Variants in GMDS observed in about 807,000 individuals in gnomAD.
GMDS encodes GDP-mannose 4,6 dehydratase.
A neutral mutation model predicts 49.9 loss-of-function variants in GMDS; 20 were observed. The observed-to-expected ratio is 0.40, with a 90% confidence interval of 0.28 to 0.58. The LOEUF is 0.58. Ranked by LOEUF, GMDS falls within the 20% of genes least tolerant of loss-of-function variation. GMDS has a pLI of 0.42. For missense variants in GMDS, 362 were observed against 481.4 expected (o/e 0.75, Z 2.32); for synonymous variants, 177 against 178.6 (o/e 0.99, Z 0.07).
At chr6:2,047,046 T>C (rs760701220) in intron 4 of GMDS, among the ~76,000 whole-genome samples, 23 of 152,212 alleles carry the variant, frequency 1.5e-4, no homozygotes, top group Admixed American at 2.6e-4. Flanking sequence ...AAGCAATTAC[T>C]AGAAATTCTG....
chr6:1,900,480 C>A (rs1470145762), intron 7 of GMDS, among the ~76,000 whole-genome samples: 2 of 152,154 alleles, frequency 1.3e-5, no homozygotes, highest in African/African-American at 2.4e-5. Context: ...TGATAAAGAG[C>A]CCCTGCTGTT....
intron 4 of GMDS, among the ~76,000 whole-genome samples, chr6:2,046,605 A>C (rs1049913181): frequency 1.3e-5 from 2 of 152,030 alleles, no homozygotes; most frequent in Admixed American, 1.3e-4. Context: ...GACTACAAGC[A>C]GGTGCCACTA....
chr6:1,748,611 A>T (rs1036952670), intron 7 of GMDS, among the ~76,000 whole-genome samples: 1 of 152,154 alleles, frequency 6.6e-6, no homozygotes, highest in Non-Finnish European at 1.5e-5. Flanking sequence ...TTTTTCTTCT[A>T]AAGCCAGATA....
At chr6:2,146,547 T>G (rs1399572413) in intron 1 of GMDS, among the ~76,000 whole-genome samples, 2 of 152,222 alleles carry the variant, frequency 1.3e-5, no homozygotes, top group African/African-American at 2.4e-5. Context: ...TAATGACTCT[T>G]GTAGCCCTAA....
At position 2,059,996 on chromosome 6, in the gene GMDS, C is replaced by A. The variant is rs1324908104; in HGVS notation, c.345+55775G>T. Reference sequence around the variant, plus strand: ...AACGAAATGACAACAAATAATATAACCACATTTTCAAAATTAAAAAAAATA... The same window carrying A: ...AACGAAATGACAACAAATAATATAAACACATTTTCAAAATTAAAAAAAATA... On this transcript the variant is annotated intron_variant, in intron 4 of 10. Transcript: ENST00000380815. Among the ~76,000 whole-genome samples the A allele has an allele frequency of 2.6e-5, 4 of 151,918 alleles. No homozygotes were observed. In the South Asian group the frequency reaches 8.3e-4, roughly 32 times the overall value.
intron 1 of GMDS, among the ~76,000 whole-genome samples, chr6:2,215,517 G>A (rs934929333): frequency 1.1e-4 from 16 of 143,478 alleles, no homozygotes; most frequent in Non-Finnish European, 1.5e-4. Flanking sequence ...ATCTCCCACC[G>A]GGTCCTTCCC....
At chr6:2,068,086 C>G (rs924499850) in intron 4 of GMDS, among the ~76,000 whole-genome samples, 11 of 148,310 alleles carry the variant, frequency 7.4e-5, no homozygotes, top group Admixed American at 2.0e-4. Flanking sequence ...TGGGCTTCAT[C>G]CCTGGGATGC....
intron 7 of GMDS, among the ~76,000 whole-genome samples, chr6:1,781,623 G>A (rs963591979): frequency 1.7e-5 from 2 of 115,322 alleles, no homozygotes; most frequent in Non-Finnish European, 3.5e-5. Flanking sequence ...ATGTGGTGAT[G>A]GCTCTTCCAC....
intron 7 of GMDS, among the ~76,000 whole-genome samples, chr6:1,775,475 C>G (rs1768760302): frequency 6.6e-6 from 1 of 152,166 alleles, no homozygotes; most frequent in Non-Finnish European, 1.5e-5. Context: ...AAAATTACCA[C>G]AAGTATACAA....
At chr6:2,142,692 T>C (rs556792926) in intron 1 of GMDS, among the ~76,000 whole-genome samples, 25 of 152,188 alleles carry the variant, frequency 1.6e-4, no homozygotes, top group Non-Finnish European at 3.4e-4. Flanking sequence ...TGGTACTTTG[T>C]TATGGCAGCC....
intron 9 of GMDS, among the ~76,000 whole-genome samples, chr6:1,672,145 T>C (rs998695101): frequency 6.6e-6 from 1 of 152,174 alleles, no homozygotes; most frequent in Admixed American, 6.5e-5. Context: ...CCAAGACAAC[T>C]ACATTTGGGT....
chr6:1,705,596 G>T (rs115663420), intron 9 of GMDS, among the ~76,000 whole-genome samples: 13 of 152,362 alleles, frequency 8.5e-5, no homozygotes, highest in African/African-American at 2.6e-4. Flanking sequence ...TTTTGTAGGA[G>T]AATGGGTTTT....
At chr6:1,652,304 A>T (rs575294809) in intron 9 of GMDS, among the ~76,000 whole-genome samples, 1 of 129,514 alleles carries the variant, frequency 7.7e-6, no homozygotes, top group Non-Finnish European at 1.6e-5. Context: ...CCCAGGAGGC[A>T]GAGGTTGCAG....
In GMDS at chr6:1,675,640, C is replaced by T. The variant is rs543554202; in HGVS notation, c.987+50776G>A. 6.6e-5 allele frequency among the ~76,000 whole-genome samples: 10 copies of T among 152,058 alleles called. No individual in the cohort carries two copies. The South Asian group carries it at 2.1e-3, about 32-fold the overall frequency. ...GGCCGAGGCGGGTGGATCACGAAGT[C>T]AGGAGATTGAGACCATCCTGGCTAA... On this transcript the variant is annotated intron_variant, in intron 9 of 10. Transcript: ENST00000380815.
chr6:1,624,121 C>T lies in GMDS; in HGVS notation c.*48G>A, dbSNP rs370417535. 5 of 1,555,158 alleles carry T rather than the reference C, an allele frequency of 3.2e-6. No individual in the cohort carries two copies. In the African/African-American group the frequency reaches 6.8e-5, roughly 21 times the overall value. ...CCCCGCAGCGCGTCTGCACCGGAGA[C>T]TCTGCGGGGATTGTAGCCGGAGGGC... On this transcript the variant is annotated 3_prime_UTR_variant, in exon 11 of 11. Coordinates refer to ENST00000380815, the MANE Select transcript of GMDS (RefSeq NM_001500.4).
intron 7 of GMDS, among the ~76,000 whole-genome samples, chr6:1,745,692 T>C (rs1767465244): frequency 6.6e-6 from 1 of 152,222 alleles, no homozygotes; most frequent in African/African-American, 2.4e-5. Context: ...AAGTTCATAT[T>C]GTACCAGACT....
intron 7 of GMDS, among the ~76,000 whole-genome samples, chr6:1,923,286 C>T (rs62391624): frequency 0.13 from 19,501 of 152,174 alleles, 1,591 homozygotes; most frequent in East Asian, 0.2. Flanking sequence ...CCACTGAGTG[C>T]GGGTACCCAA....
intron 4 of GMDS, among the ~76,000 whole-genome samples, chr6:2,071,470 A>T (rs1771993802): frequency 6.6e-6 from 1 of 152,140 alleles, no homozygotes; most frequent in Non-Finnish European, 1.5e-5. Context: ...TTGAGAACAA[A>T]GACAATGCTG....
chr6:1,663,620 G>A (rs192793836), intron 9 of GMDS, among the ~76,000 whole-genome samples: 163 of 152,186 alleles, frequency 1.1e-3, no homozygotes, highest in Admixed American at 7.7e-3. Context: ...GACTGCTTGT[G>A]GCTACTGCCC....
Sources: gnomAD v4.1 joint callset for allele counts (sites outside exome capture counted in the v4.1 genomes callset) on GRCh38, gnomAD v4.1.1 for gene constraint, MANE v1.5 for transcripts, NCBI Gene and HGNC (gene_info 2026-07-23, HGNC 2026-07-21) for gene names.